TCEA3: variants seen among roughly 807,000 people sequenced by gnomAD.
TCEA3 encodes transcription elongation factor A protein 3.
Under a neutral mutation model 44.0 loss-of-function variants are expected in TCEA3, and 36 were observed. The observed-to-expected ratio is 0.82, with a 90% confidence interval of 0.63 to 1.08. The LOEUF (loss-of-function observed/expected upper bound fraction) is 1.08, where lower values mean the gene tolerates loss of function less well. Ranked by LOEUF, TCEA3 falls within the 50% of genes least tolerant of loss-of-function variation. The probability of loss-of-function intolerance (pLI) is 0.00; values close to 1 mark genes in which losing one functional copy is unlikely to be tolerated. For synonymous variants in TCEA3, 162 were observed against 159.7 expected (o/e 1.01, Z -0.11); for missense variants, 392 against 441.2 (o/e 0.89, Z 1.00).
chr1:23,415,457 T>TC (rs1330566459), intron 4 of TCEA3, among the ~76,000 whole-genome samples: 1 of 152,220 alleles, frequency 6.6e-6, no homozygotes, highest in Non-Finnish European at 1.5e-5. Context: ...ATTTGGTCCC[T>TC]CCCCAGTAGT....
intron 10 of TCEA3, among the ~76,000 whole-genome samples, chr1:23,382,525 G>A (rs796376727): frequency 5.9e-5 from 9 of 152,272 alleles, no homozygotes; most frequent in Non-Finnish European, 1.2e-4. Flanking sequence ...AAAAGAGCCT[G>A]GCCAAAGGGG....
At chr1:23,385,697 A>C (rs1170573725) in intron 9 of TCEA3, among the ~76,000 whole-genome samples, 1 of 152,208 alleles carries the variant, frequency 6.6e-6, no homozygotes, top group African/African-American at 2.4e-5. Flanking sequence ...CTAAGGGCAT[A>C]CCATGTGCAA....
chr1:23,416,679 G>A (rs1356007309), intron 4 of TCEA3, among the ~76,000 whole-genome samples: 3 of 151,692 alleles, frequency 2.0e-5, no homozygotes, highest in Non-Finnish European at 4.4e-5. Context: ...TTTTGTAGAG[G>A]CGGAGTTTTG....
At chr1:23,387,547 G>T in intron 8 of TCEA3, 128 bp from the exon 9 acceptor site, 1 of 1,176,506 alleles carries the variant, frequency 8.5e-7, no homozygotes, top group Non-Finnish European at 1.2e-6. Flanking sequence ...GCTGGAAGGA[G>T]GCCTGGATTC....
chr1:23,424,687 C>A lies in TCEA3; in HGVS notation c.-54G>T. ...GGGCACAGGGGCAGCAGTAGGGCCTCGGGGGCAGGAGGCGCGAAGGCGGAG... is the reference window on the plus strand; with the variant it reads ...GGGCACAGGGGCAGCAGTAGGGCCTAGGGGGCAGGAGGCGCGAAGGCGGAG... On this transcript the variant is annotated 5_prime_UTR_variant, in exon 1 of 11. Coordinates refer to ENST00000450454, the MANE Select transcript of TCEA3 (RefSeq NM_003196.3). The A allele has an allele frequency of 6.9e-7, 1 of 1,448,954 alleles. No individual in the cohort carries two copies. Among genetic ancestry groups the A allele is most frequent in the African/African-American group, 1.4e-5 (1 of 70,616 alleles). The allele number at this position is 1,448,954 out of a possible 1,614,324, so 89.8% of individuals were successfully genotyped here.
intron 1 of TCEA3, 105 bp downstream of exon 1, chr1:23,424,460 G>A (rs1005941920): frequency 8.6e-6 from 9 of 1,045,972 alleles, no homozygotes; most frequent in Non-Finnish European, 1.3e-5. Flanking sequence ...CCCGAGTCCC[G>A]TACGCGCCCC....
intron 9 of TCEA3, among the ~76,000 whole-genome samples, chr1:23,385,142 A>G (rs921341497): frequency 6.6e-6 from 1 of 152,212 alleles, no homozygotes; most frequent in East Asian, 1.9e-4. Context: ...CCCACAGTAA[A>G]GCCCTGGCAT....
chr1:23,397,452 C>T (rs1047437661), intron 7 of TCEA3, 93 bp downstream of exon 7: 45 of 1,195,680 alleles, frequency 3.8e-5, no homozygotes, highest in Admixed American at 4.2e-5. Flanking sequence ...GGAGCCCTTC[C>T]TCTCCTTCCT....
At chr1:23,408,611 G>A in intron 5 of TCEA3, 53 bp downstream of exon 5, 1 of 1,560,462 alleles carries the variant, frequency 6.4e-7, no homozygotes, top group Non-Finnish European at 8.7e-7. Context: ...AACAGAGAAG[G>A]GGACACAGGC....
intron 7 of TCEA3, among the ~76,000 whole-genome samples, chr1:23,396,885 A>G (rs1423175976): frequency 6.6e-6 from 1 of 151,848 alleles, no homozygotes; most frequent in Non-Finnish European, 1.5e-5. Context: ...CATGCCTGTA[A>G]TTCCAGCTAC....
intron 1 of TCEA3, among the ~76,000 whole-genome samples, chr1:23,420,391 A>G: frequency 6.6e-6 from 1 of 152,150 alleles, no homozygotes; most frequent in Non-Finnish European, 1.5e-5. Flanking sequence ...ACAGGTATGC[A>G]CCACCACATC....
At chr1:23,394,343 C>G (rs1639154392) in intron 7 of TCEA3, among the ~76,000 whole-genome samples, 1 of 152,100 alleles carries the variant, frequency 6.6e-6, no homozygotes, top group Non-Finnish European at 1.5e-5. Context: ...GTCACACAAC[C>G]TCTACACGCC....
At chr1:23,412,095 T>G (rs938809084) in intron 4 of TCEA3, 1 of 152,228 alleles carries the variant, frequency 6.6e-6, no homozygotes, top group East Asian at 1.9e-4. Context: ...CTCAGTTTCC[T>G]GCAATGATAG....
intron 1 of TCEA3, 46 bp downstream of exon 1, chr1:23,424,519 G>A (rs780382937): frequency 2.6e-6 from 4 of 1,549,826 alleles, no homozygotes; most frequent in Non-Finnish European, 2.6e-6. Context: ...GGGCTTGCCC[G>A]CGCCTCCCGG....
At chr1:23,388,221 T>C (rs1276503796) in intron 8 of TCEA3, among the ~76,000 whole-genome samples, 1 of 148,380 alleles carries the variant, frequency 6.7e-6, no homozygotes, top group Non-Finnish European at 1.5e-5. Context: ...TTTTTTGAGA[T>C]GGAGTCTCGC....
chr1:23,402,734 A>G (rs562225658), intron 5 of TCEA3, among the ~76,000 whole-genome samples: 22 of 152,334 alleles, frequency 1.4e-4, no homozygotes, highest in African/African-American at 5.3e-4. Flanking sequence ...CTCCATCTCC[A>G]GATTACAGGC....
Position 23,419,142 on chromosome 1 carries a change from G to A in TCEA3, c.70-3C>T, listed in dbSNP as rs115959718. 756 of 1,587,572 alleles carry A rather than the reference G, an allele frequency of 4.8e-4. 3 individuals are homozygous for A. In the African/African-American group the frequency reaches 9.2e-3, roughly 19 times the overall value. ...TTCAGAAGGTCCAGGGCCCCTTCCTGTGGGAGGCCACAAGGTGAGGACTGG... is the reference window on the plus strand; with the variant it reads ...TTCAGAAGGTCCAGGGCCCCTTCCTATGGGAGGCCACAAGGTGAGGACTGG... On this transcript the variant is annotated splice_region_variant and splice_polypyrimidine_tract_variant and intron_variant, in intron 1 of 10. Coordinates refer to ENST00000450454, the MANE Select transcript of TCEA3 (RefSeq NM_003196.3).
chr1:23,424,545 C>G lies in TCEA3; in HGVS notation c.69+20G>C. The G allele has an allele frequency of 6.2e-7, 1 of 1,602,502 alleles. No homozygotes were observed. The highest frequency in any genetic ancestry group is 8.5e-7 in the Non-Finnish European group (1 of 1,176,924). On this transcript the variant is annotated intron_variant, in intron 1 of 10. Coordinates refer to ENST00000450454, the MANE Select transcript of TCEA3 (RefSeq NM_003196.3). Reference sequence around the variant, plus strand: ...CGCCTCCCGGGGGCGGGGGCCGTGGCCCAAACTCTGCAGCCTCACCGTGTT... The same window carrying G: ...CGCCTCCCGGGGGCGGGGGCCGTGGGCCAAACTCTGCAGCCTCACCGTGTT...
chr1:23,391,117 T>TG (rs948131872), intron 8 of TCEA3, among the ~76,000 whole-genome samples: 2 of 149,796 alleles, frequency 1.3e-5, no homozygotes, highest in African/African-American at 5.0e-5. Context: ...AAGATTTTTC[T>TG]GTTTTTTTTT....
Sources: gnomAD v4.1 joint callset for allele counts (sites outside exome capture counted in the v4.1 genomes callset) on GRCh38, gnomAD v4.1.1 for gene constraint, MANE v1.5 for transcripts, NCBI Gene and HGNC (gene_info 2026-07-23, HGNC 2026-07-21) for gene names.